Variants in ANKRD44 observed in about 807,000 individuals in gnomAD.
The protein encoded by ANKRD44 is ankyrin repeat domain 44, also known as serine/threonine-protein phosphatase 6 regulatory ankyrin repeat subunit B.
In ANKRD44, 35 loss-of-function variants were observed where a neutral mutation model predicts 116.0. That is an observed-to-expected ratio of 0.30 (90% confidence interval 0.23 to 0.40). The LOEUF is 0.40. Ranked by LOEUF, ANKRD44 falls within the 10% of genes least tolerant of loss-of-function variation. The probability of loss-of-function intolerance (pLI) is 1.00; values close to 1 mark genes in which losing one functional copy is unlikely to be tolerated. For missense variants in ANKRD44, 1,014 were observed against 1,242.6 expected (o/e 0.82, Z 2.77); for synonymous variants, 435 against 461.8 (o/e 0.94, Z 0.74).
chr2:196,975,050 A>G (rs990442362), intron 21 of ANKRD44, among the ~76,000 whole-genome samples: 2 of 152,196 alleles, frequency 1.3e-5, no homozygotes, highest in Non-Finnish European at 2.9e-5. Flanking sequence ...AAAATCAGCA[A>G]AAGTGACAAA....
rs181420856 is a variant in ANKRD44 at position 197,083,466 on chromosome 2, T to C, written c.1360A>G (p.Ile454Val). 30 of 1,613,826 alleles carry C rather than the reference T, an allele frequency of 1.9e-5. No homozygotes were observed. The Admixed American group carries it at 2.0e-4, about 11-fold the overall frequency. The part of the protein sequence containing the change: ...YAAANCHFHC[I>V]ETLVTTGANV... ...GCCCCTGTGGTCACTAATGTCTCAA[T>C]ACAGTGGAAATGACAATTCGCAGCT... Residue 454 changes from isoleucine (I) to valine (V), a missense_variant, in exon 14 of 28, where the codon ATT (isoleucine) becomes GTT (valine). Coordinates refer to ENST00000282272, the MANE Select transcript of ANKRD44 (RefSeq NM_001195144.2).
chr2:197,113,717 G>C (rs562186813), intron 8 of ANKRD44, among the ~76,000 whole-genome samples: 1 of 152,346 alleles, frequency 6.6e-6, no homozygotes, highest in East Asian at 1.9e-4. Context: ...TTCTCTGAGA[G>C]TGCTTGTGCA....
At chr2:197,021,316 A>T (rs950497140) in intron 17 of ANKRD44, among the ~76,000 whole-genome samples, 74 of 152,346 alleles carry the variant, frequency 4.9e-4, no homozygotes, top group African/African-American at 1.6e-3. Context: ...TTACAATCCC[A>T]GTAATGGGAT....
intron 1 of ANKRD44, among the ~76,000 whole-genome samples, chr2:197,221,443 A>G (rs1479877288): frequency 6.6e-6 from 1 of 152,062 alleles, no homozygotes; most frequent in Non-Finnish European, 1.5e-5. Context: ...ATGCCCAGCT[A>G]ATTTTTTATT....
At chr2:196,974,944 G>T (rs139393457) in intron 21 of ANKRD44, among the ~76,000 whole-genome samples, 6 of 150,562 alleles carry the variant, frequency 4.0e-5, no homozygotes, top group African/African-American at 1.5e-4. Context: ...GTAAGCAGAA[G>T]AAATAAAATA....
At position 197,147,090 on chromosome 2, in the gene ANKRD44, T is replaced by C; in HGVS notation, c.127A>G (p.Thr43Ala). ...AGAAATGCGGCCACATGAAGAGGGG[T>C]TCGTTTCTCAGAATCCTGAAATACA... is the stretch of plus-strand genomic sequence containing the variant. ...DVNTLDSEKR[T>A]PLHVAAFLGD... Residue 43 changes from threonine (T) to alanine (A), a missense_variant, in exon 3 of 28, where the codon ACC (threonine) becomes GCC (alanine). By Grantham distance (58) the Thr-to-Ala change is moderately conservative (BLOSUM62 0). Transcript: ENST00000282272. 6.2e-7 allele frequency: 1 copy of C among 1,613,724 alleles called. No homozygotes were observed. Among genetic ancestry groups the C allele is most frequent in the African/African-American group, 1.3e-5 (1 of 74,982 alleles).
At chr2:197,086,280 TA>T (rs2077920607) in intron 13 of ANKRD44, among the ~76,000 whole-genome samples, 1 of 152,204 alleles carries the variant, frequency 6.6e-6, no homozygotes. Context: ...TGTGTGCACT[TA>T]ATGTTTTAAA....
At chr2:197,099,227 T>C (rs956932715) in intron 10 of ANKRD44, among the ~76,000 whole-genome samples, 1 of 152,228 alleles carries the variant, frequency 6.6e-6, no homozygotes, top group African/African-American at 2.4e-5. Flanking sequence ...TAGAACTTTA[T>C]GATATATGAT....
At chr2:197,003,219 G>A (rs1272295470) in intron 21 of ANKRD44, among the ~76,000 whole-genome samples, 3 of 151,940 alleles carry the variant, frequency 2.0e-5, no homozygotes, top group Admixed American at 2.0e-4. Flanking sequence ...GCTGAGGCAG[G>A]AGAATCGCTT....
At chr2:197,267,140 C>A (rs1026037234) in intron 1 of ANKRD44, among the ~76,000 whole-genome samples, 2 of 152,168 alleles carry the variant, frequency 1.3e-5, no homozygotes, top group Non-Finnish European at 2.9e-5. Flanking sequence ...TTTAGGTAGA[C>A]ATCTTAAAAT....
At chr2:197,067,145 C>T (rs2077452009) in intron 16 of ANKRD44, among the ~76,000 whole-genome samples, 1 of 152,174 alleles carries the variant, frequency 6.6e-6, no homozygotes, top group Non-Finnish European at 1.5e-5. Context: ...CTACAACTAT[C>T]TGATCTTTGA....
intron 9 of ANKRD44, among the ~76,000 whole-genome samples, chr2:197,100,857 T>A (rs1438580426): frequency 6.6e-6 from 1 of 152,198 alleles, no homozygotes. Context: ...TCCCCCAGTT[T>A]TTATTTCACT....
In ANKRD44 at chr2:197,113,666, G is replaced by C. The variant is rs1574481142; in HGVS notation, c.907-2822C>G. Reference sequence around the variant, plus strand: ...ATCTCTGAAGTGTGTGGTGGGCAAAGCCAGGCCCATTTCAGGGATAGCAAA... The same window carrying C: ...ATCTCTGAAGTGTGTGGTGGGCAAACCCAGGCCCATTTCAGGGATAGCAAA... On this transcript the variant is annotated intron_variant, in intron 8 of 27. Coordinates refer to ENST00000282272, the MANE Select transcript of ANKRD44 (RefSeq NM_001195144.2). Among the ~76,000 whole-genome samples the C allele has an allele frequency of 2.0e-5, 3 of 152,312 alleles. No individual in the cohort carries two copies. The South Asian group carries it at 6.2e-4, about 32-fold the overall frequency.
At chr2:197,210,695 AG>A (rs148465173) in intron 1 of ANKRD44, among the ~76,000 whole-genome samples, 35,243 of 152,098 alleles carry the variant, frequency 0.23, 4,287 homozygotes, top group Middle Eastern at 0.29. Flanking sequence ...TGGAGAGATT[AG>A]GGGGCCACGG....
chr2:197,309,811 C>T (rs180994502), intron 1 of ANKRD44, among the ~76,000 whole-genome samples: 1 of 152,158 alleles, frequency 6.6e-6, no homozygotes, highest in South Asian at 2.1e-4. Flanking sequence ...ATTCCACAGA[C>T]CTGCGGCGAG....
At chr2:196,994,714 G>A (rs1231582728) in intron 26 of ANKRD44, 24 of 151,808 alleles carry the variant, frequency 1.6e-4, no homozygotes, top group Admixed American at 1.6e-3. Context: ...GTAGAGACGG[G>A]GTTTCACCAT....
chr2:197,115,484 G>A (rs1460084731), intron 8 of ANKRD44, among the ~76,000 whole-genome samples: 2 of 152,152 alleles, frequency 1.3e-5, no homozygotes, highest in East Asian at 3.8e-4. Context: ...AACAGGACCA[G>A]AGTCAATCAA....
At chr2:197,064,894 C>A (rs574065601) in intron 16 of ANKRD44, among the ~76,000 whole-genome samples, 8 of 152,200 alleles carry the variant, frequency 5.3e-5, no homozygotes, top group East Asian at 3.9e-4. Context: ...GACAGATCAA[C>A]GAGACAGAAA....
intron 2 of ANKRD44, among the ~76,000 whole-genome samples, chr2:197,182,085 TATTGA>T (rs1358059015): frequency 6.6e-6 from 1 of 152,232 alleles, no homozygotes; most frequent in Non-Finnish European, 1.5e-5. Context: ...AAAATGCCTT[TATTGA>T]ATTCAAATTT....
Sources: gnomAD v4.1 joint callset for allele counts (sites outside exome capture counted in the v4.1 genomes callset) on GRCh38, gnomAD v4.1.1 for gene constraint, MANE v1.5 for transcripts, NCBI Gene and HGNC (gene_info 2026-07-23, HGNC 2026-07-21) for gene names.